UTRN: variants seen among roughly 807,000 people sequenced by gnomAD.
UTRN encodes utrophin, also known as dystrophin-related protein 1.
UTRN carries 283 observed loss-of-function variants against 463.9 expected under a neutral mutation model. The ratio of observed to expected loss-of-function variants is 0.61; its 90% CI spans 0.55 to 0.67. The LOEUF (loss-of-function observed/expected upper bound fraction) is 0.67, where lower values mean the gene tolerates loss of function less well. Ranked by LOEUF, UTRN falls within the 30% of genes least tolerant of loss-of-function variation. UTRN has a pLI of 0.00. For synonymous variants in UTRN, 1,442 were observed against 1,431.5 expected (o/e 1.01, Z -0.17); for missense variants, 3,922 against 4,084.3 (o/e 0.96, Z 1.08).
rs1226378740 is a variant in UTRN at position 144,554,791 on chromosome 6, T to C, written c.7032T>C (p.His2344=). 3 of 1,613,850 alleles carry C rather than the reference T, an allele frequency of 1.9e-6. No homozygotes were observed. In the East Asian group the frequency reaches 6.7e-5, roughly 36 times the overall value. ...TTGACAGTCTTCAGTGGGATGACCATAGGGAGGAGACTGAAGAACTGATGA... is the reference window on the plus strand; with the variant it reads ...TTGACAGTCTTCAGTGGGATGACCACAGGGAGGAGACTGAAGAACTGATGA... ...MIIDSLQWDD[H]REETEELMRK... is the part of the protein sequence containing the mutation. Residue 2344 remains histidine, a synonymous_variant, in exon 49 of 75, where the codon CAT becomes CAC. Transcript: ENST00000367545.
intron 74 of UTRN, 91 bp downstream of exon 74, chr6:144,846,918 C>A: frequency 6.6e-7 from 1 of 1,519,822 alleles, no homozygotes; most frequent in South Asian, 1.1e-5. Flanking sequence ...CTACTTTATT[C>A]TCCATGTAAA....
chr6:144,627,363 G>A (rs931601121), intron 51 of UTRN, among the ~76,000 whole-genome samples: 2 of 152,158 alleles, frequency 1.3e-5, no homozygotes, highest in African/African-American at 2.4e-5. Context: ...GATAAGAGGC[G>A]TTTTTAATAA....
At chr6:144,688,675 T>A (rs181446981) in intron 52 of UTRN, among the ~76,000 whole-genome samples, 3 of 152,228 alleles carry the variant, frequency 2.0e-5, no homozygotes, top group African/African-American at 7.2e-5. Flanking sequence ...GTCTGTATGA[T>A]GGCTTTCTCA....
At chr6:144,757,748 A>G (rs912303405) in intron 57 of UTRN, among the ~76,000 whole-genome samples, 181 bp from the exon 58 acceptor site, 5 of 152,052 alleles carry the variant, frequency 3.3e-5, no homozygotes, top group Admixed American at 3.3e-4. Flanking sequence ...TTCTTGTTTT[A>G]CTTCAAATGA....
At chr6:144,631,509 A>G (rs1776518820) in intron 51 of UTRN, among the ~76,000 whole-genome samples, 1 of 152,202 alleles carries the variant, frequency 6.6e-6, no homozygotes, top group Non-Finnish European at 1.5e-5. Context: ...TTGTGGGGAT[A>G]CATAATTAAG....
At chr6:144,551,845 T>G (rs1798946307) in intron 48 of UTRN, among the ~76,000 whole-genome samples, 1 of 152,208 alleles carries the variant, frequency 6.6e-6, no homozygotes, top group Non-Finnish European at 1.5e-5. Flanking sequence ...TTCTTACCTT[T>G]ATTTGCATTA....
At chr6:144,766,077 C>T (rs144641517) in intron 58 of UTRN, among the ~76,000 whole-genome samples, 1 of 151,746 alleles carries the variant, frequency 6.6e-6, no homozygotes, top group African/African-American at 2.4e-5. Context: ...TCACCCACTA[C>T]CTCCATCCTC....
chr6:144,519,923 A>G (rs897243319), intron 39 of UTRN, among the ~76,000 whole-genome samples: 2 of 152,240 alleles, frequency 1.3e-5, no homozygotes, highest in Non-Finnish European at 2.9e-5. Flanking sequence ...TAGCTGAGGT[A>G]TAAAAGTGGC....
chr6:144,767,116 C>T (rs1586466723), intron 58 of UTRN, among the ~76,000 whole-genome samples: 1 of 152,084 alleles, frequency 6.6e-6, no homozygotes, highest in East Asian at 1.9e-4. Context: ...AGAGAGATAG[C>T]AGTAGTGAAT....
At chr6:144,421,668 G>A (rs1158572582) in intron 3 of UTRN, among the ~76,000 whole-genome samples, 2 of 151,384 alleles carry the variant, frequency 1.3e-5, no homozygotes, top group Admixed American at 6.6e-5. Flanking sequence ...CAGCCTGGGC[G>A]ACAGAGTGAG....
intron 52 of UTRN, among the ~76,000 whole-genome samples, chr6:144,687,740 T>G (rs1330587803): frequency 1.3e-5 from 2 of 152,150 alleles, no homozygotes; most frequent in Non-Finnish European, 2.9e-5. Flanking sequence ...TAAGTTTTTC[T>G]TTATAGGTTA....
chr6:144,798,175 TTTA>T (rs776083079), intron 64 of UTRN, among the ~76,000 whole-genome samples, 185 bp downstream of exon 64: 7 of 152,198 alleles, frequency 4.6e-5, no homozygotes, highest in South Asian at 2.1e-4. Context: ...TGAAGCATAT[TTTA>T]TTATTGTTGC....
chr6:144,760,619 G>A (rs1792549109), intron 58 of UTRN, among the ~76,000 whole-genome samples: 1 of 152,178 alleles, frequency 6.6e-6, no homozygotes. Flanking sequence ...CAGTATTTAT[G>A]TGTGAAGAAT....
intron 17 of UTRN, 38 bp from the exon 18 acceptor site, chr6:144,451,332 G>T: frequency 6.3e-7 from 1 of 1,588,148 alleles, no homozygotes; most frequent in South Asian, 1.1e-5. Flanking sequence ...ACAGTAGAAG[G>T]AAACATGACA....
intron 2 of UTRN, among the ~76,000 whole-genome samples, chr6:144,337,951 C>T (rs1041710204): frequency 7.2e-5 from 11 of 152,284 alleles, no homozygotes; most frequent in Middle Eastern, 3.4e-3. Context: ...ATGGCGGCTT[C>T]GATTTAACTC....
intron 43 of UTRN, among the ~76,000 whole-genome samples, chr6:144,533,672 G>A (rs1797273343): frequency 6.6e-6 from 1 of 151,706 alleles, no homozygotes; most frequent in African/African-American, 2.4e-5. Context: ...GGTGTCAAAT[G>A]TTGTGTTCTA....
At chr6:144,497,246 G>A (rs1793738965) in intron 33 of UTRN, among the ~76,000 whole-genome samples, 1 of 152,124 alleles carries the variant, frequency 6.6e-6, no homozygotes, top group South Asian at 2.1e-4. Flanking sequence ...AGTGGAGATG[G>A]AGTGAGTGAA....
At chr6:144,314,830 G>C (rs545512831) in intron 2 of UTRN, among the ~76,000 whole-genome samples, 4 of 152,082 alleles carry the variant, frequency 2.6e-5, no homozygotes, top group Non-Finnish European at 5.9e-5. Flanking sequence ...TGTGGATAAG[G>C]GATTGTGCAC....
chr6:144,571,881 C>T (rs1039508376), intron 50 of UTRN, among the ~76,000 whole-genome samples: 7 of 152,116 alleles, frequency 4.6e-5, no homozygotes, highest in Admixed American at 4.6e-4. Flanking sequence ...TTCCTTGGTC[C>T]TTGGTGACCT....
Sources: gnomAD v4.1 joint callset for allele counts (sites outside exome capture counted in the v4.1 genomes callset) on GRCh38, gnomAD v4.1.1 for gene constraint, MANE v1.5 for transcripts, NCBI Gene and HGNC (gene_info 2026-07-23, HGNC 2026-07-21) for gene names.